Variants in LRRC4C observed in about 807,000 individuals in gnomAD.
LRRC4C encodes the protein leucine-rich repeat-containing protein 4C.
Under a neutral mutation model 33.6 loss-of-function variants are expected in LRRC4C, and 5 were observed. That is an observed-to-expected ratio of 0.15 (90% confidence interval 0.08 to 0.31). The LOEUF is 0.31. Ranked by LOEUF, LRRC4C falls within the 10% of genes least tolerant of loss-of-function variation. LRRC4C has a pLI of 1.00. For synonymous variants in LRRC4C, 329 were observed against 302.0 expected (o/e 1.09, Z -0.93); for missense variants, 560 against 796.7 (o/e 0.70, Z 3.58).
intron 5 of LRRC4C, among the ~76,000 whole-genome samples, chr11:40,163,723 T>A (rs1182453588): frequency 6.6e-6 from 1 of 152,064 alleles, no homozygotes; most frequent in African/African-American, 2.4e-5. Context: ...ATTCCCAAGC[T>A]AAGTACAGTA....
chr11:40,485,468 A>G (rs958109754), intron 3 of LRRC4C, among the ~76,000 whole-genome samples: 1 of 151,824 alleles, frequency 6.6e-6, no homozygotes, highest in Admixed American at 6.6e-5. Flanking sequence ...TTGTGAAATG[A>G]ATATATTAAT....
In LRRC4C at chr11:41,323,892, A is replaced by G. The variant is rs1038825481; in HGVS notation, c.-496+135539T>C. 2.0e-5 allele frequency among the ~76,000 whole-genome samples: 3 copies of G among 152,198 alleles called. No homozygotes were observed. The South Asian group carries it at 6.2e-4, about 31-fold the overall frequency. ...AAATTATATTTTATATAAGGGGACTATTTCATTTTAATTAAATCTCTGAAC... is the reference window on the plus strand; with the variant it reads ...AAATTATATTTTATATAAGGGGACTGTTTCATTTTAATTAAATCTCTGAAC... On this transcript the variant is annotated intron_variant, in intron 1 of 6. Transcript: ENST00000528697.
Position 40,751,185 on chromosome 11 carries a change from G to A in LRRC4C, c.-406-102907C>T, listed in dbSNP as rs139087485. On this transcript the variant is annotated intron_variant, in intron 2 of 6. Transcript: ENST00000528697. Reference sequence around the variant, plus strand: ...CATAATCAAGGGGGAAAAGTTGGAAGCCTTATCTCTAAGAATTGGAACAAG... The same window carrying A: ...CATAATCAAGGGGGAAAAGTTGGAAACCTTATCTCTAAGAATTGGAACAAG... Among the ~76,000 whole-genome samples, 511 of 152,182 alleles carry A rather than the reference G, an allele frequency of 3.4e-3. 4 individuals carry two copies. The highest frequency in any genetic ancestry group is 0.012 in the African/African-American group (484 of 41,522).
intron 2 of LRRC4C, among the ~76,000 whole-genome samples, chr11:40,707,190 A>G (rs1327084658): frequency 1.3e-5 from 2 of 152,142 alleles, no homozygotes; most frequent in African/African-American, 4.8e-5. Flanking sequence ...TTCCTAATTG[A>G]ATATCCTTTA....
At chr11:40,206,875 C>G (rs1590708796) in intron 5 of LRRC4C, among the ~76,000 whole-genome samples, 1 of 152,050 alleles carries the variant, frequency 6.6e-6, no homozygotes, top group Non-Finnish European at 1.5e-5. Flanking sequence ...AGATTTGGCT[C>G]TGGTAAGAAT....
At chr11:40,444,159 A>T (rs1866675) in intron 3 of LRRC4C, among the ~76,000 whole-genome samples, 150,820 of 152,066 alleles carry the variant, frequency 0.99, 74,813 homozygotes, top group Middle Eastern at 1. Context: ...GTCCACATGA[A>T]GAAGTAGTAC....
chr11:40,732,061 A>C (rs1285733878), intron 2 of LRRC4C, among the ~76,000 whole-genome samples: 14 of 55,132 alleles, frequency 2.5e-4, no homozygotes, highest in South Asian at 1.3e-3. Flanking sequence ...AAAAAAACCA[A>C]AAAAAAAACA....
chr11:41,447,775 T>G (rs898574944), intron 1 of LRRC4C, among the ~76,000 whole-genome samples: 1 of 152,036 alleles, frequency 6.6e-6, no homozygotes, highest in Non-Finnish European at 1.5e-5. Flanking sequence ...AAACATAAAA[T>G]AGTTACAATG....
At chr11:40,333,764 T>G (rs1187977233) in intron 3 of LRRC4C, among the ~76,000 whole-genome samples, 4 of 151,902 alleles carry the variant, frequency 2.6e-5, no homozygotes, top group South Asian at 4.2e-4. Flanking sequence ...ACATGGGATT[T>G]TGTTACTCTT....
chr11:40,523,787 G>A (rs2135249926), intron 3 of LRRC4C, among the ~76,000 whole-genome samples: 1 of 152,122 alleles, frequency 6.6e-6, no homozygotes, highest in African/African-American at 2.4e-5. Context: ...TAATGAGACA[G>A]TGAGGATCTA....
intron 1 of LRRC4C, among the ~76,000 whole-genome samples, chr11:41,288,191 G>A (rs1949888908): frequency 6.6e-6 from 1 of 152,172 alleles, no homozygotes. Flanking sequence ...ATAGTTCTCT[G>A]AAGAAAACAT....
chr11:40,342,193 A>T (rs1202971278), intron 3 of LRRC4C, among the ~76,000 whole-genome samples: 1 of 152,202 alleles, frequency 6.6e-6, no homozygotes, highest in Non-Finnish European at 1.5e-5. Flanking sequence ...AAAGGTGGAC[A>T]GGTGCAGTGG....
intron 3 of LRRC4C, among the ~76,000 whole-genome samples, chr11:40,589,837 C>G (rs1245150008): frequency 1.3e-5 from 2 of 149,084 alleles, no homozygotes; most frequent in East Asian, 4.0e-4. Context: ...GGGTTTCTGC[C>G]GAGAGATCCG....
Position 40,170,726 on chromosome 11 carries a change from G to A in LRRC4C, c.-95-29873C>T, listed in dbSNP as rs546974405. ...AAAGGAGACATTCTAACTTCATCAG[G>A]TGAGAGTTTACCTGTGAATTTACAC... is the stretch of plus-strand genomic sequence containing the variant. On this transcript the variant is annotated intron_variant, in intron 5 of 6. Coordinates refer to ENST00000528697, the MANE Select transcript of LRRC4C (RefSeq NM_001258419.2). Among the ~76,000 whole-genome samples the A allele has an allele frequency of 2.0e-5, 3 of 152,286 alleles. No individual in the cohort carries two copies. In the South Asian group the frequency reaches 6.2e-4, roughly 32 times the overall value.
intron 3 of LRRC4C, among the ~76,000 whole-genome samples, chr11:40,376,819 A>G (rs1455750632): frequency 6.6e-6 from 1 of 151,940 alleles, no homozygotes; most frequent in East Asian, 1.9e-4. Flanking sequence ...TCCTTAGACT[A>G]GCCTGCAATA....
chr11:40,477,669 C>T (rs1016787017), intron 3 of LRRC4C, among the ~76,000 whole-genome samples: 1 of 152,000 alleles, frequency 6.6e-6, no homozygotes, highest in Non-Finnish European at 1.5e-5. Context: ...CTAGATACCA[C>T]GTGGCTCTGA....
chr11:40,433,627 A>G (rs559621964), intron 3 of LRRC4C, among the ~76,000 whole-genome samples: 1 of 152,364 alleles, frequency 6.6e-6, no homozygotes, highest in African/African-American at 2.4e-5. Context: ...GCCTCTCAGC[A>G]GCAGATATAC....
chr11:40,464,349 A>C (rs571357135), intron 3 of LRRC4C, among the ~76,000 whole-genome samples: 1 of 152,142 alleles, frequency 6.6e-6, no homozygotes, highest in East Asian at 1.9e-4. Context: ...AAGCCATATA[A>C]GACTAACCCA....
At position 40,212,471 on chromosome 11, in the gene LRRC4C, TAA is replaced by T. The variant is rs1554975050; in HGVS notation, c.-96+29046_-96+29047del. ...CAGGCAAGACAAACACAAGCAAAAT[TAA>T]AAAAAAAAAAAACTATAGGAATATT... On this transcript the variant is annotated intron_variant, in intron 5 of 6. Coordinates refer to ENST00000528697, the MANE Select transcript of LRRC4C (RefSeq NM_001258419.2). Among the ~76,000 whole-genome samples, 73 of 144,722 alleles carry T rather than the reference TAA, an allele frequency of 5.0e-4. 1 individual carries two copies. In the South Asian group the frequency reaches 0.011, roughly 22 times the overall value. 94.9% of individuals were successfully genotyped at this position (144,722 alleles called of 152,430 possible). A position where few individuals can be genotyped will look rare whatever the true frequency, so the allele number is the denominator to read the frequency against.
Sources: allele counts gnomAD v4.1 joint callset (sites outside exome capture counted in the v4.1 genomes callset), GRCh38; gene constraint gnomAD v4.1.1; transcripts MANE v1.5; gene names NCBI Gene and HGNC (gene_info 2026-07-23, HGNC 2026-07-21).